The following OSTN variants were observed in gnomAD, a reference collection of about 807,000 sequenced individuals.
OSTN encodes the protein osteocrin.
Under a neutral mutation model 12.0 loss-of-function variants are expected in OSTN, and 9 were observed. That is an observed-to-expected ratio of 0.75 (90% CI 0.45 to 1.30). The LOEUF (loss-of-function observed/expected upper bound fraction) is 1.30, where lower values mean the gene tolerates loss of function less well. OSTN is among the 50% of genes most tolerant of loss of function. The pLI is 0.00. For missense variants in OSTN, 148 were observed against 152.3 expected, an observed-to-expected ratio of 0.97 and a Z score of 0.15; for synonymous variants, 59 against 56.9, an observed-to-expected ratio of 1.04 and a Z score of -0.16.
intron 3 of OSTN, among the ~76,000 whole-genome samples, chr3:191,241,369 A>T (rs1715318559): frequency 6.6e-6 from 1 of 151,576 alleles, no homozygotes; most frequent in Admixed American, 6.6e-5. Flanking sequence ...TATTTTTAGT[A>T]GAGACGGGGT....
intron 3 of OSTN, among the ~76,000 whole-genome samples, chr3:191,221,368 C>T (rs944581590): frequency 6.6e-6 from 1 of 152,016 alleles, no homozygotes. Context: ...GAGGTTGGAA[C>T]AGTTTGGAGG....
intron 3 of OSTN, among the ~76,000 whole-genome samples, chr3:191,242,017 A>T (rs79380345): frequency 6.6e-6 from 1 of 152,150 alleles, no homozygotes; most frequent in East Asian, 1.9e-4. Context: ...TTAAAAAAAA[A>T]TACCATTATC....
At chr3:191,252,760 T>C (rs1715588043) in intron 4 of OSTN, among the ~76,000 whole-genome samples, 2 of 152,204 alleles carry the variant, frequency 1.3e-5, no homozygotes, top group South Asian at 4.1e-4. Flanking sequence ...AGACATGAGA[T>C]GATAATATAT....
rs769520724 is a variant in OSTN at position 191,259,365 on chromosome 3, G to A, written c.*13-3501G>A. On this transcript the variant is annotated intron_variant, in intron 4 of 4. Transcript: ENST00000682035. Reference sequence around the variant, plus strand: ...CCCTGGCTACTTTTTGTAGCCCCCAGCTAATTTTTGTATTTTTAGTAGAGA... The same window carrying A: ...CCCTGGCTACTTTTTGTAGCCCCCAACTAATTTTTGTATTTTTAGTAGAGA... 3.3e-5 allele frequency among the ~76,000 whole-genome samples: 5 copies of A among 152,062 alleles called. No homozygotes were observed. In the Middle Eastern group the frequency reaches 0.014, roughly 414 times the overall value.
rs1715525670 is a variant in OSTN at position 191,250,075 on chromosome 3, C to T, written c.356C>T (p.Pro119Leu). ...VDHPKRRFGIPMDRIGRNRLS... is the reference protein window; with the variant it reads ...VDHPKRRFGILMDRIGRNRLS... ...CATCCAAAAAGGCGATTTGGTATCCCCATGGATCGGATTGGTAGAAACCGG... is the reference window on the plus strand; with the variant it reads ...CATCCAAAAAGGCGATTTGGTATCCTCATGGATCGGATTGGTAGAAACCGG... Residue 119 changes from proline (P) to leucine (L), a missense_variant, in exon 4 of 5, where the codon CCC (proline) becomes CTC (leucine). Coordinates refer to ENST00000682035, the MANE Select transcript of OSTN (RefSeq NM_198184.2). The T allele has an allele frequency of 6.2e-7, 1 of 1,613,666 alleles. No individual in the cohort carries two copies. The highest frequency in any genetic ancestry group is 8.5e-7 in the Non-Finnish European group (1 of 1,179,772).
chr3:191,212,832 A>G (rs1429903875), intron 2 of OSTN, among the ~76,000 whole-genome samples, 198 bp downstream of exon 2: 1 of 142,874 alleles, frequency 7.0e-6, no homozygotes, highest in Non-Finnish European at 1.5e-5. Context: ...TATTACATAT[A>G]TATTCTTTTG....
intron 3 of OSTN, among the ~76,000 whole-genome samples, chr3:191,238,124 G>A (rs1715238322): frequency 6.6e-6 from 1 of 152,082 alleles, no homozygotes; most frequent in Admixed American, 6.6e-5. Flanking sequence ...ATCTCCAGAG[G>A]ACATAGTTGA....
At chr3:191,218,685 A>C (rs1714685057) in intron 2 of OSTN, 62 bp from the exon 3 acceptor site, 1 of 1,362,066 alleles carries the variant, frequency 7.3e-7, no homozygotes, top group Admixed American at 1.8e-5. Context: ...AGCCAGATGC[A>C]TATGTACATA....
chr3:191,220,899 T>C (rs530356833), intron 3 of OSTN, among the ~76,000 whole-genome samples: 1 of 152,320 alleles, frequency 6.6e-6, no homozygotes, highest in Admixed American at 6.5e-5. Flanking sequence ...ATAATTTACA[T>C]TGAAACTTCA....
At chr3:191,242,758 C>A (rs1225928826) in intron 3 of OSTN, among the ~76,000 whole-genome samples, 2 of 151,960 alleles carry the variant, frequency 1.3e-5, no homozygotes, top group Non-Finnish European at 2.9e-5. Flanking sequence ...TATTTTATGA[C>A]ATAGGAGAAT....
chr3:191,248,094 A>C (rs1715475922), intron 3 of OSTN, among the ~76,000 whole-genome samples: 2 of 152,208 alleles, frequency 1.3e-5, no homozygotes, highest in South Asian at 4.1e-4. Flanking sequence ...TCAGCCTCCC[A>C]AAGCGCTGGG....
intron 3 of OSTN, among the ~76,000 whole-genome samples, chr3:191,224,473 T>C (rs1041427350): frequency 7.9e-5 from 12 of 152,080 alleles, no homozygotes; most frequent in Admixed American, 3.9e-4. Context: ...TGATAGAAGA[T>C]CTACACAACA....
intron 2 of OSTN, among the ~76,000 whole-genome samples, chr3:191,213,745 T>G (rs1449281034): frequency 6.6e-6 from 1 of 151,644 alleles, no homozygotes; most frequent in African/African-American, 2.4e-5. Flanking sequence ...AGCATTATAT[T>G]AAAGGACAAG....
intron 3 of OSTN, among the ~76,000 whole-genome samples, chr3:191,226,090 G>A (rs1217125803): frequency 6.6e-6 from 1 of 152,044 alleles, no homozygotes; most frequent in African/African-American, 2.4e-5. Flanking sequence ...TACAAAACAG[G>A]AAGCATTAGA....
intron 4 of OSTN, among the ~76,000 whole-genome samples, chr3:191,251,477 C>T (rs1400761052): frequency 6.6e-6 from 1 of 152,086 alleles, no homozygotes; most frequent in Non-Finnish European, 1.5e-5. Context: ...ATCCTTAGAC[C>T]AATAATTTAG....
At chr3:191,204,182 G>A in intron 1 of OSTN, among the ~76,000 whole-genome samples, 1 of 152,264 alleles carries the variant, frequency 6.6e-6, no homozygotes, top group Admixed American at 6.5e-5. Flanking sequence ...GAGCCACCGT[G>A]CCCAGCTGAT....
At position 191,263,627 on chromosome 3, in the gene OSTN, A is replaced by G. The variant is rs985451818; in HGVS notation, c.*774A>G. On this transcript the variant is annotated 3_prime_UTR_variant, in exon 5 of 5. Coordinates refer to ENST00000682035, the MANE Select transcript of OSTN (RefSeq NM_198184.2). Reference sequence around the variant, plus strand: ...CCACCAGAACAGGTTAGGACCAGCTAAGCACACATCATTTTAGCTCAGTAC... The same window carrying G: ...CCACCAGAACAGGTTAGGACCAGCTGAGCACACATCATTTTAGCTCAGTAC... The G allele has an allele frequency of 1.1e-4, 16 of 152,196 alleles. No homozygotes were observed. The highest frequency in any genetic ancestry group is 3.6e-4 in the African/African-American group (15 of 41,460). 9.4% of individuals were successfully genotyped at this position (152,196 alleles called of 1,614,324 possible).
At chr3:191,226,124 G>A (rs116406118) in intron 3 of OSTN, among the ~76,000 whole-genome samples, 142 of 152,126 alleles carry the variant, frequency 9.3e-4, no homozygotes, top group African/African-American at 3.3e-3. Flanking sequence ...TGAATATCGA[G>A]ACAAAAGTCA....
intron 3 of OSTN, among the ~76,000 whole-genome samples, chr3:191,237,228 T>G (rs964033597): frequency 6.6e-6 from 1 of 152,214 alleles, no homozygotes; most frequent in Non-Finnish European, 1.5e-5. Context: ...AAATTAAAGT[T>G]CTGTGTGAAT....
Sources: allele counts gnomAD v4.1 joint callset (sites outside exome capture counted in the v4.1 genomes callset), GRCh38; gene constraint gnomAD v4.1.1; transcripts MANE v1.5; gene names NCBI Gene and HGNC (gene_info 2026-07-23, HGNC 2026-07-21).